VPS54: variants seen among roughly 807,000 people sequenced by gnomAD.
VPS54 encodes the protein vacuolar protein sorting-associated protein 54.
A neutral mutation model predicts 121.5 loss-of-function variants in VPS54; 45 were observed. The observed-to-expected ratio is 0.37, with a 90% CI of 0.29 to 0.47. VPS54 has a LOEUF of 0.47. VPS54 is among the 20% of genes least tolerant of loss of function. The probability of loss-of-function intolerance (pLI) is 0.99; values close to 1 mark genes in which losing one functional copy is unlikely to be tolerated. For missense variants in VPS54, 1,090 were observed against 1,131.4 expected, an observed-to-expected ratio of 0.96 and a Z score of 0.52; for synonymous variants, 371 against 385.8, an observed-to-expected ratio of 0.96 and a Z score of 0.45.
chr2:63,935,989 T>C (rs1298132273), intron 11 of VPS54, among the ~76,000 whole-genome samples: 3 of 152,082 alleles, frequency 2.0e-5, no homozygotes, highest in Non-Finnish European at 4.4e-5. Context: ...CTAGAACTGA[T>C]GAAGCCAAGA....
At chr2:63,970,148 C>T (rs1208347532) in intron 4 of VPS54, among the ~76,000 whole-genome samples, 4 of 149,472 alleles carry the variant, frequency 2.7e-5, no homozygotes, top group Non-Finnish European at 4.4e-5. Flanking sequence ...TTCCCTTGTA[C>T]TAGCTCTCTT....
At chr2:63,970,380 G>C (rs1575972385) in intron 4 of VPS54, among the ~76,000 whole-genome samples, 2 of 146,782 alleles carry the variant, frequency 1.4e-5, no homozygotes. Flanking sequence ...CACTCTCAGG[G>C]ATAGTCAAAT....
At chr2:63,904,885 T>G (rs1387654208) in intron 20 of VPS54, among the ~76,000 whole-genome samples, 1 of 152,088 alleles carries the variant, frequency 6.6e-6, no homozygotes. Context: ...AGACTTGAGA[T>G]CAAAACAAAG....
intron 12 of VPS54, among the ~76,000 whole-genome samples, chr2:63,928,173 A>G (rs1674003268): frequency 6.6e-6 from 1 of 152,228 alleles, no homozygotes. Flanking sequence ...CACCACAAAG[A>G]TACTTCTTGA....
chr2:63,988,893 G>C (rs1054680659), intron 1 of VPS54, among the ~76,000 whole-genome samples: 1 of 152,124 alleles, frequency 6.6e-6, no homozygotes, highest in East Asian at 1.9e-4. Context: ...GCAGGACAGA[G>C]CCATATTTCT....
intron 3 of VPS54, among the ~76,000 whole-genome samples, chr2:63,977,496 A>G (rs1676596506): frequency 6.6e-6 from 1 of 152,228 alleles, no homozygotes; most frequent in South Asian, 2.1e-4. Flanking sequence ...CTTCAAGTCT[A>G]TTAATGAACT....
In VPS54 at chr2:63,981,557, C is replaced by T. The variant is rs145215318; in HGVS notation, c.378+89G>A. 290 of 1,415,400 alleles carry T rather than the reference C, an allele frequency of 2.0e-4. No homozygotes were observed. The African/African-American group carries it at 3.6e-3, about 18-fold the overall frequency. The allele number at this position is 1,415,400 out of a possible 1,614,324, so 87.7% of individuals were successfully genotyped here. On this transcript the variant is annotated intron_variant, in intron 3 of 22. Coordinates refer to ENST00000272322, the MANE Select transcript of VPS54 (RefSeq NM_016516.3). ...AAAAGAATACTATAGGTTCATCAAA[C>T]ATTACTGGTCAAAAATCTATAATAA... is the stretch of plus-strand genomic sequence containing the variant.
intron 7 of VPS54, among the ~76,000 whole-genome samples, chr2:63,959,904 C>A (rs902870422): frequency 2.0e-5 from 3 of 152,020 alleles, no homozygotes; most frequent in African/African-American, 4.8e-5. Context: ...ACCTGTAATC[C>A]CAGCTACTCG....
At chr2:63,935,746 AT>A (rs1559004274) in intron 11 of VPS54, among the ~76,000 whole-genome samples, 1 of 152,156 alleles carries the variant, frequency 6.6e-6, no homozygotes, top group East Asian at 1.9e-4. Flanking sequence ...TAAACTAATA[AT>A]CAGTGCACAG....
chr2:63,998,145 T>C (rs1359483871), intron 1 of VPS54, among the ~76,000 whole-genome samples: 2 of 152,250 alleles, frequency 1.3e-5, no homozygotes, highest in East Asian at 3.8e-4. Flanking sequence ...TGCATATATA[T>C]TTACAATTGT....
chr2:63,980,487 T>C (rs565401152), intron 3 of VPS54, among the ~76,000 whole-genome samples: 2 of 152,306 alleles, frequency 1.3e-5, no homozygotes, highest in African/African-American at 4.8e-5. Context: ...TTATTTTATG[T>C]CCTATCCATT....
chr2:63,959,524 TA>T (rs545162365), intron 7 of VPS54, among the ~76,000 whole-genome samples: 6 of 151,066 alleles, frequency 4.0e-5, no homozygotes, highest in African/African-American at 4.9e-5. Flanking sequence ...CATGTGGTTC[TA>T]AAAAAAAATA....
intron 7 of VPS54, among the ~76,000 whole-genome samples, chr2:63,955,938 G>C (rs927895145): frequency 3.9e-5 from 6 of 152,040 alleles, no homozygotes; most frequent in African/African-American, 1.4e-4. Context: ...TTAGAGTGGT[G>C]AATCTACTGA....
rs745640630 is a variant in VPS54 at position 63,962,087 on chromosome 2, C to G, written c.981G>C (p.Gln327His). The change falls in exon 7 of 23, where the codon CAG becomes CAC. Residue 327 changes from glutamine (Q) to histidine (H), a missense_variant. By Grantham distance (24) the Gln-to-His change is conservative. This residue lies in a region of VPS54 where 801 missense variants were observed against 757.0 expected (regional missense o/e 1.06). Transcript: ENST00000272322. ...AACTGTGAATGCCCTGAAGTTCCTG[C>G]TGTAGAACCTCTTGTGTTGTTGCTA... The part of the protein sequence containing the change: ...DLIATTQEVL[Q>H]QELQGIHSFR... 1.3e-6 allele frequency: 2 copies of G among 1,587,300 alleles called. No individual in the cohort carries two copies. The highest frequency in any genetic ancestry group is 8.6e-7 in the Non-Finnish European group (1 of 1,159,812).
chr2:63,892,294 G>A lies in VPS54; in HGVS notation c.*1136C>T, dbSNP rs1672252440. ...TGTTTCATTATACATAATCACCACA[G>A]GATATTAGGCACTCTGACAGGGTTA... On this transcript the variant is annotated 3_prime_UTR_variant, in exon 23 of 23. Coordinates refer to ENST00000272322, the MANE Select transcript of VPS54 (RefSeq NM_016516.3). 2 of 152,082 alleles carry A rather than the reference G, an allele frequency of 1.3e-5. No homozygotes were observed. 9.4% of individuals were successfully genotyped at this position (152,082 alleles called of 1,614,324 possible).
At chr2:63,962,563 G>A in intron 6 of VPS54, 120 bp from the exon 7 acceptor site, 1 of 1,249,828 alleles carries the variant, frequency 8.0e-7, no homozygotes, top group Non-Finnish European at 1.1e-6. Context: ...TGTGTGAATT[G>A]TTTGATTGTG....
intron 6 of VPS54, among the ~76,000 whole-genome samples, chr2:63,965,409 G>A (rs987355928): frequency 2.0e-5 from 3 of 152,212 alleles, no homozygotes; most frequent in Non-Finnish European, 2.9e-5. Flanking sequence ...CCAGGAGGTG[G>A]AGGTTGCAGT....
chr2:63,912,371 T>C lies in VPS54; in HGVS notation c.2599A>G (p.Ser867Gly). The change falls in exon 20 of 23, where the codon AGC (serine) becomes GGC (glycine). Residue 867 changes from serine (S) to glycine (G), a missense_variant. By Grantham distance (56) the Ser-to-Gly change is moderately conservative (BLOSUM62 0). Transcript: ENST00000272322. ...TTAGATAACAGCTTGTCAAATAAGC[T>C]ATCCATTATCGCTACAAGCTTAGCT... is the stretch of plus-strand genomic sequence containing the variant. The part of the protein sequence containing the change: ...ISAKLVAIMD[S>G]LFDKLLSKYE... 5.6e-6 allele frequency: 9 copies of C among 1,611,112 alleles called. No homozygotes were observed. Among genetic ancestry groups the C allele is most frequent in the Non-Finnish European group, 7.6e-6 (9 of 1,178,394 alleles).
intron 20 of VPS54, among the ~76,000 whole-genome samples, chr2:63,904,517 T>A (rs1463013958): frequency 6.7e-6 from 1 of 150,154 alleles, no homozygotes; most frequent in African/African-American, 2.4e-5. Flanking sequence ...AATGTGCATG[T>A]ATCCAGCAAT....
Sources: allele counts gnomAD v4.1 joint callset (sites outside exome capture counted in the v4.1 genomes callset), GRCh38; gene constraint gnomAD v4.1.1; regional missense constraint gnomAD v4.1.1; transcripts MANE v1.5; gene names NCBI Gene and HGNC (gene_info 2026-07-23, HGNC 2026-07-21).